Variants in KMT2E observed in about 807,000 individuals in gnomAD.
KMT2E encodes lysine methyltransferase 2E (inactive).
A neutral mutation model predicts 184.6 loss-of-function variants in KMT2E; 30 were observed. That is an observed-to-expected ratio of 0.16 (90% confidence interval 0.12 to 0.22). KMT2E has a LOEUF of 0.22. KMT2E is among the 10% of genes least tolerant of loss of function. The pLI, the probability that KMT2E is intolerant of heterozygous loss-of-function variation, is 1.00. For synonymous variants in KMT2E, 815 were observed against 776.5 expected, an observed-to-expected ratio of 1.05 and a Z score of -0.82; for missense variants, 2,023 against 2,237.4, an observed-to-expected ratio of 0.90 and a Z score of 1.93.
intron 3 of KMT2E, among the ~76,000 whole-genome samples, chr7:105,059,827 A>G (rs1457391583): frequency 6.6e-6 from 1 of 152,046 alleles, no homozygotes; most frequent in African/African-American, 2.4e-5. Context: ...GGGTGGAGAC[A>G]TAGTCTTACA....
In KMT2E at chr7:105,105,241, TG is replaced by T. The variant is rs1798848715; in HGVS notation, c.2197-195del. ...CATATGTTTTGTTCTACAAAATAAT[TG>T]GGTAAAAAGTTTCAGAATAACAGTA... On this transcript the variant is annotated intron_variant, in intron 17 of 26. Coordinates refer to ENST00000311117, the MANE Select transcript of KMT2E (RefSeq NM_182931.3). The T allele has an allele frequency of 7.1e-6, 3 of 423,530 alleles. No homozygotes were observed. In the South Asian group the frequency reaches 2.1e-4, roughly 30 times the overall value. The allele number at this position is 423,530 out of a possible 1,614,324, so 26.2% of individuals were successfully genotyped here.
chr7:105,080,690 C>T (rs147707934), intron 12 of KMT2E, among the ~76,000 whole-genome samples: 33 of 152,286 alleles, frequency 2.2e-4, no homozygotes, highest in Non-Finnish European at 4.0e-4. Flanking sequence ...AGAAAAGTAG[C>T]GTTTGCTCAA....
chr7:105,077,037 G>A lies in KMT2E; in HGVS notation c.843G>A (p.Met281Ile), dbSNP rs937882744. 1 of 1,613,804 alleles carries A rather than the reference G, an allele frequency of 6.2e-7. No homozygotes were observed. Among genetic ancestry groups the A allele is most frequent in the Non-Finnish European group, 8.5e-7 (1 of 1,179,966 alleles). Residue 281 changes from methionine (M) to isoleucine (I), a missense_variant, in exon 10 of 27, where the codon ATG (methionine) becomes ATA (isoleucine). Met to Ile is a conservative substitution (Grantham distance 10, BLOSUM62 1). This residue lies in a region of KMT2E where 191 missense variants were observed against 209.0 expected (regional missense o/e 0.91). Coordinates refer to ENST00000311117, the MANE Select transcript of KMT2E (RefSeq NM_182931.3). ...GGGAGACAAAGATCAAAGCATGGAT[G>A]GATCGATATGAAGAAGCAAATAACA... The part of the protein sequence containing the change: ...FGWETKIKAW[M>I]DRYEEANNNQ...
intron 3 of KMT2E, among the ~76,000 whole-genome samples, chr7:105,047,277 G>A (rs535405177): frequency 6.6e-6 from 1 of 152,342 alleles, no homozygotes; most frequent in African/African-American, 2.4e-5. Flanking sequence ...CATATTGTTT[G>A]TATAAACAGT....
chr7:105,109,602 C>T (rs2129570040), intron 23 of KMT2E, among the ~76,000 whole-genome samples: 1 of 152,312 alleles, frequency 6.6e-6, no homozygotes. Context: ...AAATGGCAGG[C>T]AGCCACACTC....
At chr7:105,025,729 A>G (rs1427530701) in intron 1 of KMT2E, among the ~76,000 whole-genome samples, 1 of 152,216 alleles carries the variant, frequency 6.6e-6, no homozygotes, top group Non-Finnish European at 1.5e-5. Context: ...TACGTAAACC[A>G]ATGATAAATG....
intron 1 of KMT2E, among the ~76,000 whole-genome samples, chr7:105,029,903 T>C (rs1795332486): frequency 6.6e-6 from 1 of 152,208 alleles, no homozygotes; most frequent in Non-Finnish European, 1.5e-5. Flanking sequence ...GTTTTGTTTT[T>C]TCATGTTCAT....
chr7:105,090,362 T>C (rs1449135183), intron 14 of KMT2E, 89 bp downstream of exon 14: 11 of 1,383,200 alleles, frequency 8.0e-6, no homozygotes, highest in Admixed American at 2.6e-5. Context: ...TGTATAATTG[T>C]TTAAAGTATT....
chr7:105,036,602 T>C (rs1290376523), intron 1 of KMT2E, among the ~76,000 whole-genome samples: 1 of 152,190 alleles, frequency 6.6e-6, no homozygotes, highest in Non-Finnish European at 1.5e-5. Flanking sequence ...CATTGTAAAA[T>C]GGGGATAATA....
chr7:105,024,763 A>G (rs1438138882), intron 1 of KMT2E, among the ~76,000 whole-genome samples: 2 of 152,192 alleles, frequency 1.3e-5, no homozygotes, highest in African/African-American at 4.8e-5. Flanking sequence ...TTGGTGCTTT[A>G]TACTTTTCCA....
intron 15 of KMT2E, 70 bp downstream of exon 15, chr7:105,091,384 A>AC (rs755146752): frequency 1.2e-6 from 1 of 848,304 alleles, no homozygotes; most frequent in South Asian, 1.4e-5. Context: ...TGCTGCCTTT[A>AC]CATGGGCTTT....
At chr7:105,046,950 G>A (rs1232290500) in intron 3 of KMT2E, among the ~76,000 whole-genome samples, 3 of 152,212 alleles carry the variant, frequency 2.0e-5, no homozygotes, top group Admixed American at 6.5e-5. Flanking sequence ...GATCCAGAAT[G>A]TAGTTGTACT....
intron 3 of KMT2E, among the ~76,000 whole-genome samples, chr7:105,046,007 T>C (rs889420752): frequency 1.3e-5 from 2 of 152,200 alleles, no homozygotes; most frequent in Non-Finnish European, 2.9e-5. Flanking sequence ...CATCTACTTC[T>C]ATAGCTTTCA....
At chr7:105,066,255 A>G (rs117431849) in intron 5 of KMT2E, among the ~76,000 whole-genome samples, 2,302 of 152,150 alleles carry the variant, frequency 0.015, 25 homozygotes, top group Non-Finnish European at 0.022. Context: ...ACCTCCTTCT[A>G]TTTCTCAAAA....
chr7:105,082,769 C>A (rs959445047), intron 13 of KMT2E, among the ~76,000 whole-genome samples: 3 of 152,212 alleles, frequency 2.0e-5, no homozygotes, highest in African/African-American at 7.2e-5. Flanking sequence ...TGCCAGTCTT[C>A]CGTCATTTGC....
intron 12 of KMT2E, 31 bp downstream of exon 12, chr7:105,078,994 T>C: frequency 8.5e-7 from 1 of 1,182,156 alleles, no homozygotes; most frequent in Non-Finnish European, 1.3e-6. Flanking sequence ...TGGGGAGATG[T>C]GGGTGCTGGG....
chr7:105,097,618 C>G (rs1177049135), intron 15 of KMT2E, among the ~76,000 whole-genome samples: 1 of 152,074 alleles, frequency 6.6e-6, no homozygotes, highest in African/African-American at 2.4e-5. Context: ...AACTCCTGAC[C>G]TTGTGATGAT....
chr7:105,089,119 GTGTT>G (rs765427773), intron 13 of KMT2E: 29 of 279,694 alleles, frequency 1.0e-4, no homozygotes, highest in Non-Finnish European at 1.6e-4. Context: ...AAGTTTTAAT[GTGTT>G]TGTTTTTTTC....
chr7:105,097,957 A>G (rs1798482736), intron 15 of KMT2E, among the ~76,000 whole-genome samples: 1 of 152,178 alleles, frequency 6.6e-6, no homozygotes, highest in African/African-American at 2.4e-5. Flanking sequence ...TAGAGGAAAT[A>G]ACAAACGAGT....
Sources: allele counts gnomAD v4.1 joint callset (sites outside exome capture counted in the v4.1 genomes callset), GRCh38; gene constraint gnomAD v4.1.1; regional missense constraint gnomAD v4.1.1; transcripts MANE v1.5; gene names NCBI Gene and HGNC (gene_info 2026-07-23, HGNC 2026-07-21).